SLC13A3: variants seen among roughly 807,000 people sequenced by gnomAD.
SLC13A3 encodes the protein solute carrier family 13 member 3, also known as Na(+)/dicarboxylate cotransporter 3.
A neutral mutation model predicts 59.0 loss-of-function variants in SLC13A3; 40 were observed. The observed-to-expected ratio is 0.68, with a 90% CI of 0.53 to 0.88. The LOEUF (loss-of-function observed/expected upper bound fraction) is 0.88. Ranked by LOEUF, SLC13A3 falls within the 40% of genes least tolerant of loss-of-function variation. SLC13A3 has a pLI of 0.00. For missense variants in SLC13A3, 699 were observed against 783.2 expected (o/e 0.89, Z 1.28); for synonymous variants, 317 against 330.3 (o/e 0.96, Z 0.44).
intron 12 of SLC13A3, among the ~76,000 whole-genome samples, chr20:46,561,436 G>C (rs938459019): frequency 2.0e-5 from 3 of 152,152 alleles, no homozygotes; most frequent in Non-Finnish European, 4.4e-5. Context: ...GGGCCACCAT[G>C]GCTTCAGCAC....
chr20:46,644,620 G>T (rs1195366865), intron 1 of SLC13A3, among the ~76,000 whole-genome samples: 1 of 152,146 alleles, frequency 6.6e-6, no homozygotes, highest in Non-Finnish European at 1.5e-5. Context: ...TTTTCAGCTG[G>T]GGAACTGGGT....
chr20:46,582,903 A>G (rs954154306), intron 9 of SLC13A3: 2 of 985,262 alleles, frequency 2.0e-6, no homozygotes, highest in African/African-American at 3.5e-5. Flanking sequence ...TGAAGGCCAC[A>G]GTCTACAACA....
intron 7 of SLC13A3, among the ~76,000 whole-genome samples, chr20:46,588,581 AAC>A (rs1480389962): frequency 1.3e-5 from 2 of 152,064 alleles, no homozygotes; most frequent in Non-Finnish European, 2.9e-5. Flanking sequence ...GAGACAGAAA[AAC>A]ACACAGTCTG....
At chr20:46,674,826 G>C (rs1222653928), upstream of SLC13A3, among the ~76,000 whole-genome samples, 2 of 152,128 alleles carry the variant, frequency 1.3e-5, no homozygotes, top group Non-Finnish European at 2.9e-5. Flanking sequence ...TCCCTGCCCA[G>C]AGCCCCAATT....
At chr20:46,682,639 A>G (rs2063158972) in intron 1 of SLC13A3, among the ~76,000 whole-genome samples, 1 of 152,026 alleles carries the variant, frequency 6.6e-6, no homozygotes, top group Admixed American at 6.6e-5. Context: ...TCTTCTGTAA[A>G]ATGGGTTAAT....
chr20:46,656,140 A>G (rs373330733), upstream of SLC13A3, among the ~76,000 whole-genome samples: 15 of 143,628 alleles, frequency 1.0e-4, no homozygotes, highest in East Asian at 1.7e-3. Context: ...CACAGTCTAT[A>G]TTATACTGTA....
At chr20:46,626,583 C>T (rs1024835574) in intron 1 of SLC13A3, among the ~76,000 whole-genome samples, 2 of 152,194 alleles carry the variant, frequency 1.3e-5, no homozygotes, top group Non-Finnish European at 2.9e-5. Flanking sequence ...CCCCAAATGC[C>T]TGCCCTGCCT....
chr20:46,574,839 CTTTTT>C (rs61006260), intron 10 of SLC13A3, among the ~76,000 whole-genome samples: 1 of 141,526 alleles, frequency 7.1e-6, no homozygotes, highest in African/African-American at 2.6e-5. Flanking sequence ...TTTTCTTTTT[CTTTTT>C]TTTTTTTCTT....
At chr20:46,574,665 G>T (rs545636588) in intron 10 of SLC13A3, among the ~76,000 whole-genome samples, 61 of 152,054 alleles carry the variant, frequency 4.0e-4, no homozygotes, top group Non-Finnish European at 6.5e-4. Context: ...CTCTAGAGCC[G>T]AACTGCCTGG....
chr20:46,639,964 G>A (rs2062831124), intron 1 of SLC13A3, among the ~76,000 whole-genome samples: 1 of 152,186 alleles, frequency 6.6e-6, no homozygotes, highest in African/African-American at 2.4e-5. Context: ...GGGCAAGTGA[G>A]GGAACCACTC....
At chr20:46,577,319 T>C (rs1774265613) in intron 9 of SLC13A3, among the ~76,000 whole-genome samples, 1 of 152,200 alleles carries the variant, frequency 6.6e-6, no homozygotes, top group Non-Finnish European at 1.5e-5. Context: ...ATGCAGCCCA[T>C]GGTATCTACA....
At chr20:46,670,994 G>T (rs1228757006), upstream of SLC13A3, among the ~76,000 whole-genome samples, 3 of 152,062 alleles carry the variant, frequency 2.0e-5, no homozygotes, top group Non-Finnish European at 4.4e-5. Flanking sequence ...CTAAAGTTAT[G>T]TTGGGGACAT....
intron 1 of SLC13A3, among the ~76,000 whole-genome samples, chr20:46,683,580 T>G (rs895718740): frequency 2.0e-5 from 3 of 152,166 alleles, no homozygotes; most frequent in Non-Finnish European, 2.9e-5. Flanking sequence ...CACCAGCTCA[T>G]CTATAAAACT....
Position 46,563,145 on chromosome 20 carries a change from C to A in SLC13A3, c.1632+269G>T, listed in dbSNP as rs117305405. Among the ~76,000 whole-genome samples, 244 of 152,248 alleles carry A rather than the reference C, an allele frequency of 1.6e-3. 1 individual carries two copies. In the East Asian group the frequency reaches 0.044, roughly 27 times the overall value. ...TTCTCTCCCCCGAAGATTCTGGGCA[C>A]GAAGTGGGGTCCAGAGGGAAGGGGA... On this transcript the variant is annotated intron_variant, in intron 12 of 12. Transcript: ENST00000279027.
At chr20:46,676,890 G>A (rs1043101357) in intron 1 of SLC13A3, among the ~76,000 whole-genome samples, 5 of 151,992 alleles carry the variant, frequency 3.3e-5, no homozygotes, top group African/African-American at 4.8e-5. Flanking sequence ...TGGCCAGGAG[G>A]GGGAACGGAG....
chr20:46,586,418 G>A (rs1161440470), intron 8 of SLC13A3, among the ~76,000 whole-genome samples: 1 of 152,054 alleles, frequency 6.6e-6, no homozygotes, highest in Non-Finnish European at 1.5e-5. Context: ...CCAAGTGCTG[G>A]GGTTCCTCAT....
At chr20:46,632,692 AATG>A (rs1301647071) in intron 1 of SLC13A3, among the ~76,000 whole-genome samples, 4 of 152,128 alleles carry the variant, frequency 2.6e-5, no homozygotes, top group Non-Finnish European at 2.9e-5. Flanking sequence ...TGATGATAAT[AATG>A]ATGATAAGAA....
intron 7 of SLC13A3, among the ~76,000 whole-genome samples, chr20:46,588,412 C>T (rs969996857): frequency 1.1e-4 from 16 of 152,060 alleles, no homozygotes; most frequent in African/African-American, 3.6e-4. Context: ...ACCCCCTCCC[C>T]GAAATCGCGT....
At chr20:46,578,828 T>A (rs1450521324) in intron 9 of SLC13A3, among the ~76,000 whole-genome samples, 6 of 117,732 alleles carry the variant, frequency 5.1e-5, no homozygotes, top group Non-Finnish European at 1.1e-4. Flanking sequence ...GAGCCCTGAA[T>A]GAAGTGATGG....
Sources: gnomAD v4.1 joint callset for allele counts (sites outside exome capture counted in the v4.1 genomes callset) on GRCh38, gnomAD v4.1.1 for gene constraint, MANE v1.5 for transcripts, NCBI Gene and HGNC (gene_info 2026-07-23, HGNC 2026-07-21) for gene names.